Variants in CLEC4C observed in about 807,000 individuals in gnomAD.
CLEC4C encodes the protein C-type (calcium dependent, carbohydrate-recognition domain) lectin, superfamily member 11.
CLEC4C carries 17 observed loss-of-function variants against 27.7 expected under a neutral mutation model. That is an observed-to-expected ratio of 0.61 (90% CI 0.42 to 0.92). CLEC4C has a LOEUF of 0.92. Among genes scored for constraint, CLEC4C ranks in the 40% least tolerant of loss-of-function variants. The pLI, the probability that CLEC4C is intolerant of heterozygous loss-of-function variation, is 0.00. For synonymous variants in CLEC4C, 80 were observed against 80.8 expected (o/e 0.99, Z 0.06); for missense variants, 244 against 257.3 (o/e 0.95, Z 0.35).
intron 3 of CLEC4C, among the ~76,000 whole-genome samples, chr12:7,740,016 TAG>T (rs1864817553): frequency 6.6e-6 from 1 of 152,000 alleles, no homozygotes; most frequent in South Asian, 2.1e-4. Context: ...GTATTTTTAA[TAG>T]AGACAGGGTT....
intron 4 of CLEC4C, among the ~76,000 whole-genome samples, chr12:7,735,149 C>T (rs1398211954): frequency 6.7e-6 from 1 of 149,500 alleles, no homozygotes; most frequent in African/African-American, 2.5e-5. Context: ...TGCAGTGAGC[C>T]GAGATCACAC....
chr12:7,746,142 G>C (rs536394261), intron 2 of CLEC4C, among the ~76,000 whole-genome samples, 189 bp downstream of exon 2: 19 of 150,416 alleles, frequency 1.3e-4, no homozygotes, highest in Non-Finnish European at 2.4e-4. Context: ...ATGAACCCGG[G>C]AGGTGAGCTT....
intron 5 of CLEC4C, 136 bp downstream of exon 5, chr12:7,730,657 AGCAC>A: frequency 2.2e-6 from 1 of 452,972 alleles, no homozygotes; most frequent in South Asian, 2.7e-5. Context: ...AAAAAAAAAA[AGCAC>A]AACCCTTGAT....
intron 4 of CLEC4C, 34 bp from the exon 5 acceptor site, chr12:7,730,946 A>T (rs1864583536): frequency 3.6e-6 from 4 of 1,096,966 alleles, no homozygotes; most frequent in Non-Finnish European, 5.6e-6. Flanking sequence ...CATAGCTGAT[A>T]GAGCAGGAGC....
At chr12:7,733,805 CCTCAAGTGAT>C (rs1340409895) in intron 4 of CLEC4C, among the ~76,000 whole-genome samples, 1 of 151,532 alleles carries the variant, frequency 6.6e-6, no homozygotes. Context: ...GAACTCCTGG[CCTCAAGTGAT>C]CTGCCCACCT....
chr12:7,746,864 G>C (rs182095052), intron 1 of CLEC4C, among the ~76,000 whole-genome samples: 177 of 150,710 alleles, frequency 1.2e-3, no homozygotes, highest in African/African-American at 4.0e-3. Flanking sequence ...CACTCCTGTT[G>C]CCCAGGCTGG....
intron 4 of CLEC4C, among the ~76,000 whole-genome samples, chr12:7,735,663 G>C (rs931451393): frequency 6.6e-5 from 10 of 151,146 alleles, no homozygotes; most frequent in Non-Finnish European, 1.2e-4. Flanking sequence ...AAATTAGCCA[G>C]GTGTGGTGGT....
At chr12:7,730,099 A>C (rs17198999) in intron 5 of CLEC4C, among the ~76,000 whole-genome samples, 1 of 151,784 alleles carries the variant, frequency 6.6e-6, no homozygotes, top group East Asian at 1.9e-4. Context: ...TGATTCAAAT[A>C]TTTTTTTTCC....
chr12:7,747,207 T>G, intron 1 of CLEC4C, 111 bp downstream of exon 1: 1 of 910,202 alleles, frequency 1.1e-6, no homozygotes, highest in Non-Finnish European at 1.8e-6. Context: ...CTATTATTTA[T>G]GAAAAGCTGT....
Position 7,737,563 on chromosome 12 carries a change from A to G in CLEC4C, c.247T>C (p.Cys83Arg). 6.2e-7 allele frequency: 1 copy of G among 1,613,046 alleles called. No homozygotes were observed. The highest frequency in any genetic ancestry group is 8.5e-7 in the Non-Finnish European group (1 of 1,179,762). ...EGKDIEDWSC[C>R]PTPWTSFQSS... is the part of the protein sequence containing the mutation. The stretch of plus-strand genomic sequence containing the variant: ...TGAAATGAAGTCCAAGGGGTTGGGC[A>G]GCAGCTCCAATCTTCCCAAATGAGT... Residue 83 changes from cysteine (C) to arginine (R), a missense_variant, in exon 4 of 6, where the codon TGC (cysteine) becomes CGC (arginine). By Grantham distance (180) the Cys-to-Arg change is radical. Transcript: ENST00000360345.
At chr12:7,742,669 C>T (rs766476909) in intron 2 of CLEC4C, among the ~76,000 whole-genome samples, 104 of 150,298 alleles carry the variant, frequency 6.9e-4, no homozygotes, top group African/African-American at 2.1e-3. Flanking sequence ...ATTAGCCAGG[C>T]GTGGTGACAC....
chr12:7,740,632 C>A (rs1252170057), intron 3 of CLEC4C, among the ~76,000 whole-genome samples: 1 of 151,274 alleles, frequency 6.6e-6, no homozygotes, highest in Non-Finnish European at 1.5e-5. Context: ...ACCTGGGAGG[C>A]AGAGGTTGCA....
intron 4 of CLEC4C, among the ~76,000 whole-genome samples, chr12:7,732,914 C>T (rs776922776): frequency 2.0e-4 from 31 of 151,940 alleles, no homozygotes; most frequent in African/African-American, 7.5e-4. Context: ...CGCCACTGCA[C>T]TCCAGTCTCG....
At position 7,729,746 on chromosome 12, in the gene CLEC4C, A is replaced by C. The variant is rs147778205; in HGVS notation, c.498-6T>G. 513 of 1,613,506 alleles carry C rather than the reference A, an allele frequency of 3.2e-4. 1 individual carries two copies. The African/African-American group carries it at 4.8e-3, about 15-fold the overall frequency. On this transcript the variant is annotated splice_region_variant and splice_polypyrimidine_tract_variant and intron_variant, in intron 5 of 5. Transcript: ENST00000360345. ...GTTCACCTGAGTGCCAGAATCTGAA[A>C]GGTAGATAAAGGACAGTGGTGTTTT...
At chr12:7,733,794 T>G (rs900531240) in intron 4 of CLEC4C, among the ~76,000 whole-genome samples, 2 of 151,946 alleles carry the variant, frequency 1.3e-5, no homozygotes, top group African/African-American at 4.8e-5. Flanking sequence ...AAGCTGGTCT[T>G]GAACTCCTGG....
intron 2 of CLEC4C, among the ~76,000 whole-genome samples, chr12:7,744,129 C>G (rs1016196821): frequency 6.6e-6 from 1 of 152,198 alleles, no homozygotes; most frequent in African/African-American, 2.4e-5. Flanking sequence ...TCCTGCCATG[C>G]CCCACCTCCA....
At chr12:7,736,628 G>A (rs915123434) in intron 4 of CLEC4C, among the ~76,000 whole-genome samples, 5 of 152,040 alleles carry the variant, frequency 3.3e-5, no homozygotes, top group African/African-American at 9.7e-5. Flanking sequence ...GTTATTGTTA[G>A]CCAGACGTGG....
At chr12:7,749,052 GAC>G (rs1865046749), upstream of CLEC4C, 2 of 152,332 alleles carry the variant, frequency 1.3e-5, no homozygotes, top group African/African-American at 4.8e-5. Flanking sequence ...TGGGTGGCTG[GAC>G]ACACAACACC....
chr12:7,729,853 AC>A, intron 5 of CLEC4C, 113 bp from the exon 6 acceptor site: 1 of 900,264 alleles, frequency 1.1e-6, no homozygotes, highest in Non-Finnish European at 1.7e-6. Flanking sequence ...GTCTACCCAA[AC>A]CACCTTCTCA....
Sources: gnomAD v4.1 joint callset for allele counts (sites outside exome capture counted in the v4.1 genomes callset) on GRCh38, gnomAD v4.1.1 for gene constraint, MANE v1.5 for transcripts, NCBI Gene and HGNC (gene_info 2026-07-23, HGNC 2026-07-21) for gene names.